The following PRKG1 variants were observed in gnomAD, a reference collection of about 807,000 sequenced individuals.
PRKG1 encodes the protein cGMP-dependent protein kinase 1.
In PRKG1, 35 loss-of-function variants were observed where a neutral mutation model predicts 88.1. The observed-to-expected ratio is 0.40, with a 90% CI of 0.30 to 0.53. PRKG1 has a LOEUF of 0.53. PRKG1 is among the 20% of genes least tolerant of loss of function. The probability of loss-of-function intolerance (pLI) is 0.59; values close to 1 mark genes in which losing one functional copy is unlikely to be tolerated. For missense variants in PRKG1, 540 were observed against 839.8 expected, an observed-to-expected ratio of 0.64 and a Z score of 4.41; for synonymous variants, 303 against 292.5, an observed-to-expected ratio of 1.04 and a Z score of -0.37.
At chr10:51,676,399 C>T (rs1371127783) in intron 3 of PRKG1, among the ~76,000 whole-genome samples, 2 of 145,786 alleles carry the variant, frequency 1.4e-5, no homozygotes, top group East Asian at 2.0e-4. Flanking sequence ...AATTTATGAG[C>T]ATGTTAAGAC....
intron 9 of PRKG1, among the ~76,000 whole-genome samples, chr10:52,223,853 C>T (rs143472376): frequency 2.8e-4 from 42 of 152,164 alleles, no homozygotes; most frequent in African/African-American, 9.9e-4. Flanking sequence ...TCACTCACAT[C>T]GTATCTTGGT....
chr10:52,165,377 A>C (rs1388055653), intron 9 of PRKG1, among the ~76,000 whole-genome samples: 2 of 152,070 alleles, frequency 1.3e-5, no homozygotes, highest in Non-Finnish European at 2.9e-5. Flanking sequence ...TCCGTATTGA[A>C]TTTCTTCCCC....
intron 5 of PRKG1, among the ~76,000 whole-genome samples, chr10:52,003,085 A>C (rs1844641500): frequency 6.6e-6 from 1 of 152,172 alleles, no homozygotes; most frequent in Admixed American, 6.5e-5. Context: ...TTAAGCCTGC[A>C]AACTCTTCTT....
chr10:52,141,651 A>C (rs572866786), intron 8 of PRKG1, among the ~76,000 whole-genome samples: 71 of 152,236 alleles, frequency 4.7e-4, no homozygotes, highest in Non-Finnish European at 4.7e-4. Context: ...CTCTTTAGTA[A>C]CCTTTTGACT....
intron 5 of PRKG1, among the ~76,000 whole-genome samples, chr10:51,952,062 A>G (rs1843197922): frequency 6.6e-6 from 1 of 152,202 alleles, no homozygotes; most frequent in Non-Finnish European, 1.5e-5. Flanking sequence ...ACTATTTACA[A>G]CAGAAACTGG....
intron 1 of PRKG1, among the ~76,000 whole-genome samples, chr10:51,004,780 T>C (rs1484527648): frequency 6.6e-6 from 1 of 152,160 alleles, no homozygotes; most frequent in Non-Finnish European, 1.5e-5. Context: ...CAGTGTAATT[T>C]TGAAAATAAG....
At chr10:51,607,120 A>G (rs1339366863) in intron 3 of PRKG1, among the ~76,000 whole-genome samples, 1 of 152,214 alleles carries the variant, frequency 6.6e-6, no homozygotes, top group Non-Finnish European at 1.5e-5. Context: ...TATGTGGTAA[A>G]AATGGTCTTT....
intron 5 of PRKG1, among the ~76,000 whole-genome samples, chr10:51,931,678 A>G (rs941344900): frequency 7.9e-5 from 12 of 152,326 alleles, no homozygotes; most frequent in African/African-American, 2.6e-4. Context: ...CAGTTGTACT[A>G]GGGCAAGTAT....
At chr10:52,043,849 G>GA (rs1309859059) in intron 5 of PRKG1, among the ~76,000 whole-genome samples, 31 of 88,538 alleles carry the variant, frequency 3.5e-4, no homozygotes, top group South Asian at 1.5e-3. Context: ...AAAAAATTTT[G>GA]GAAAAAAAAA....
At chr10:51,743,520 G>A (rs918233075) in intron 3 of PRKG1, among the ~76,000 whole-genome samples, 2 of 151,278 alleles carry the variant, frequency 1.3e-5, no homozygotes, top group East Asian at 3.9e-4. Context: ...ACATCTTCCC[G>A]AGTAGCCCAA....
chr10:51,467,657 T>G (rs1198031158), intron 2 of PRKG1, 66 bp from the exon 3 acceptor site: 18 of 1,364,938 alleles, frequency 1.3e-5, no homozygotes, highest in Non-Finnish European at 1.9e-5. Flanking sequence ...CTCTTCACAT[T>G]AAAAATGCAA....
chr10:51,067,434 C>G (rs916597827), intron 1 of PRKG1, among the ~76,000 whole-genome samples: 1 of 151,948 alleles, frequency 6.6e-6, no homozygotes, highest in African/African-American at 2.4e-5. Flanking sequence ...GAGGGTCTAA[C>G]CAGTGGAAAC....
Position 52,191,640 on chromosome 10 carries a change from G to C in PRKG1, c.1076+29677G>C, listed in dbSNP as rs77244200. On this transcript the variant is annotated intron_variant, in intron 9 of 17. Coordinates refer to ENST00000373980, the MANE Select transcript of PRKG1 (RefSeq NM_006258.4). The stretch of plus-strand genomic sequence containing the variant: ...TTTTGGGCAAGAAGATTTCGTAGGA[G>C]GTTTATTAAACTTCAATATTAGATT... Among the ~76,000 whole-genome samples, 252 of 152,204 alleles carry C rather than the reference G, an allele frequency of 1.7e-3. 3 individuals are homozygous for C. In the East Asian group the frequency reaches 0.04, roughly 24 times the overall value.
chr10:51,551,425 A>T (rs966349855), intron 3 of PRKG1, among the ~76,000 whole-genome samples: 1 of 151,934 alleles, frequency 6.6e-6, no homozygotes, highest in African/African-American at 2.4e-5. Flanking sequence ...TTTGATATAT[A>T]AGAATAGTTC....
chr10:51,095,628 C>G (rs575515902), intron 1 of PRKG1, among the ~76,000 whole-genome samples: 2 of 152,110 alleles, frequency 1.3e-5, no homozygotes, highest in African/African-American at 4.8e-5. Context: ...GCAGCCAGAC[C>G]GCGTGCCCAG....
intron 5 of PRKG1, chr10:51,908,734 A>ATATATATATT (rs563212069): frequency 1.9e-4 from 10 of 52,216 alleles, no homozygotes; most frequent in African/African-American, 4.6e-4. Context: ...TCTATATGTA[A>ATATATATATT]TTTTTTTTTT....
At chr10:51,589,614 C>T (rs1041208328) in intron 3 of PRKG1, among the ~76,000 whole-genome samples, 1 of 152,040 alleles carries the variant, frequency 6.6e-6, no homozygotes, top group Non-Finnish European at 1.5e-5. Context: ...CAGAGTGAGA[C>T]TCTGTCTCAA....
At chr10:51,773,496 T>C (rs1838357911) in intron 3 of PRKG1, among the ~76,000 whole-genome samples, 1 of 152,080 alleles carries the variant, frequency 6.6e-6, no homozygotes, top group Admixed American at 6.5e-5. Flanking sequence ...ATGAAAATTT[T>C]CTGTGTACCA....
chr10:52,203,692 C>T (rs982437895), intron 9 of PRKG1, among the ~76,000 whole-genome samples: 3 of 152,198 alleles, frequency 2.0e-5, no homozygotes, highest in African/African-American at 7.2e-5. Flanking sequence ...AATCTAGCTG[C>T]TCATGCATTG....
Sources: gnomAD v4.1 joint callset for allele counts (sites outside exome capture counted in the v4.1 genomes callset) on GRCh38, gnomAD v4.1.1 for gene constraint, MANE v1.5 for transcripts, NCBI Gene and HGNC (gene_info 2026-07-23, HGNC 2026-07-21) for gene names.